LINS1: variants seen among roughly 807,000 people sequenced by gnomAD.
LINS1 encodes lines homolog 1, also known as protein Lines homolog 1.
Under a neutral mutation model 41.6 loss-of-function variants are expected in LINS1, and 27 were observed. The observed-to-expected ratio is 0.65, with a 90% CI of 0.48 to 0.89. LINS1 has a LOEUF of 0.89. Ranked by LOEUF, LINS1 falls within the 40% of genes least tolerant of loss-of-function variation. LINS1 has a pLI of 0.00. For missense variants in LINS1, 955 were observed against 884.1 expected (o/e 1.08, Z -1.02); for synonymous variants, 336 against 312.9 (o/e 1.07, Z -0.78).
In LINS1 at chr15:100,571,896, G is replaced by T. The variant is rs2037848259; in HGVS notation, c.1392C>A (p.Thr464=). 6.2e-7 allele frequency: 1 copy of T among 1,614,070 alleles called. No individual in the cohort carries two copies. Among genetic ancestry groups the T allele is most frequent in the Non-Finnish European group, 8.5e-7 (1 of 1,179,958 alleles). ...KASLGIYLTL[T]RGCEATESLT... ...TAATTACTTTAAAATACACTAACCT[G>T]GTCAGTGTTAAGTAGATGCCCAGTG... Residue 464 remains threonine (T), a splice_region_variant and synonymous_variant, in exon 6 of 7, where the codon ACC becomes ACA. Transcript: ENST00000314742.
intron 1 of LINS1, among the ~76,000 whole-genome samples, chr15:100,586,656 AT>A: frequency 6.6e-6 from 1 of 152,356 alleles, no homozygotes; most frequent in South Asian, 2.1e-4. Context: ...ATTTTGTCTA[AT>A]TCAGAAGTTA....
At position 100,596,296 on chromosome 15, in the gene LINS1, C is replaced by G. The variant is rs556806697; in HGVS notation, c.-104+5825G>C. Among the ~76,000 whole-genome samples the G allele has an allele frequency of 2.6e-5, 4 of 152,282 alleles. No individual in the cohort carries two copies. In the East Asian group the frequency reaches 7.7e-4, roughly 29 times the overall value. On this transcript the variant is annotated intron_variant, in intron 1 of 6. Coordinates refer to ENST00000314742, the MANE Select transcript of LINS1 (RefSeq NM_001040616.3). Reference sequence around the variant, plus strand: ...TGCAGGGCCCTATCCTAGGAGCTTCCCATAAGATAGTTCTGGGGTGGGGCC... The same window carrying G: ...TGCAGGGCCCTATCCTAGGAGCTTCGCATAAGATAGTTCTGGGGTGGGGCC...
chr15:100,591,498 T>G (rs1466909990), intron 1 of LINS1, among the ~76,000 whole-genome samples: 1 of 152,244 alleles, frequency 6.6e-6, no homozygotes, highest in Non-Finnish European at 1.5e-5. Context: ...TGTTTTGGAC[T>G]GAACTCATGC....
intron 1 of LINS1, among the ~76,000 whole-genome samples, chr15:100,584,959 G>A (rs371712257): frequency 1.3e-5 from 2 of 152,034 alleles, no homozygotes; most frequent in African/African-American, 2.4e-5. Flanking sequence ...TCCCCTACTC[G>A]ACTGGCTAAG....
At chr15:100,573,235 G>A (rs1472732564) in intron 5 of LINS1, 2 of 345,098 alleles carry the variant, frequency 5.8e-6, no homozygotes, top group Non-Finnish European at 8.4e-6. Context: ...GACCTCCCAG[G>A]TTGGGACAGG....
chr15:100,577,899 C>A (rs28767939), intron 3 of LINS1, among the ~76,000 whole-genome samples: 25,077 of 151,984 alleles, frequency 0.16, 2,367 homozygotes, highest in South Asian at 0.21. Context: ...TCTTTGACAA[C>A]CCTGACAAAA....
In LINS1 at chr15:100,569,831, G is replaced by A. The variant is rs778784513; in HGVS notation, c.1681C>T (p.Pro561Ser). 6.2e-7 allele frequency: 1 copy of A among 1,613,992 alleles called. No individual in the cohort carries two copies. The highest frequency in any genetic ancestry group is 1.7e-5 in the Admixed American group (1 of 59,988). ...GAGCTTTGGTCTTGGACAAGTGAGG[G>A]GACACAGCCACAAATACTTATGTCA... ...KYDISICGCV[P>S]SLVQDQSSNQ... is the part of the protein sequence containing the mutation. Residue 561 changes from proline to serine, a missense_variant, in exon 7 of 7, where the codon CCC becomes TCC. Physicochemically the swap from Pro to Ser is moderately conservative, Grantham distance 74 (BLOSUM62 -1). Transcript: ENST00000314742.
Position 100,577,447 on chromosome 15 carries a change from C to T in LINS1, c.490-2319G>A, listed in dbSNP as rs1204299112. 2.6e-5 allele frequency among the ~76,000 whole-genome samples: 4 copies of T among 152,078 alleles called. No homozygotes were observed. The East Asian group carries it at 7.7e-4, about 29-fold the overall frequency. On this transcript the variant is annotated intron_variant, in intron 3 of 6. Transcript: ENST00000314742. ...AATTGCTTCAAAGAGAATAAAATAC[C>T]TAGGAATCCAACTTACAAGGGATGT...
intron 5 of LINS1, 199 bp from the exon 6 acceptor site, chr15:100,572,264 T>G (rs775412485): frequency 1.7e-4 from 237 of 1,395,836 alleles, no homozygotes; most frequent in Non-Finnish European, 2.2e-4. Context: ...AAAAAGTGAC[T>G]CATTCCAGAG....
At chr15:100,582,692 C>T (rs948908985) in intron 1 of LINS1, among the ~76,000 whole-genome samples, 2 of 148,788 alleles carry the variant, frequency 1.3e-5, no homozygotes, top group African/African-American at 5.0e-5. Context: ...ACTGGGTCTT[C>T]CATCTACACT....
At chr15:100,601,518 G>C (rs2039492968) in intron 1 of LINS1, among the ~76,000 whole-genome samples, 1 of 152,128 alleles carries the variant, frequency 6.6e-6, no homozygotes. Context: ...ATTTCAACAT[G>C]AGTTTTGAAG....
chr15:100,569,298 T>G lies in LINS1; in HGVS notation c.2214A>C (p.Ala738=), dbSNP rs2141258667. 1.9e-6 allele frequency: 3 copies of G among 1,612,184 alleles called. No individual in the cohort carries two copies. The highest frequency in any genetic ancestry group is 2.5e-6 in the Non-Finnish European group (3 of 1,178,246). ...KKNLFPYNPT[A]LLKLLKYIEV... ...CTATGTATTTTAACAACTTCAAAAG[T>G]GCAGTTGGATTATATGGGAAAAGAT... Residue 738 remains alanine, a synonymous_variant, in exon 7 of 7, where the codon GCA becomes GCC. Coordinates refer to ENST00000314742, the MANE Select transcript of LINS1 (RefSeq NM_001040616.3).
At chr15:100,576,202 C>CA (rs1168085494) in intron 3 of LINS1, among the ~76,000 whole-genome samples, 1 of 151,990 alleles carries the variant, frequency 6.6e-6, no homozygotes, top group Non-Finnish European at 1.5e-5. Flanking sequence ...GATAGAGACA[C>CA]AAAAAACCCT....
At chr15:100,600,096 T>C (rs7183002) in intron 1 of LINS1, among the ~76,000 whole-genome samples, 19,061 of 152,118 alleles carry the variant, frequency 0.13, 1,423 homozygotes, top group East Asian at 0.27. Flanking sequence ...TTTGAACAAA[T>C]TTAAAGATGT....
intron 1 of LINS1, among the ~76,000 whole-genome samples, chr15:100,587,171 A>AAAC (rs1232055688): frequency 6.7e-6 from 1 of 149,346 alleles, no homozygotes; most frequent in African/African-American, 2.5e-5. Context: ...AAAAAAAAAA[A>AAAC]AAAAAAAAAA....
At chr15:100,601,841 T>C (rs143792515) in intron 1 of LINS1, among the ~76,000 whole-genome samples, 72 of 152,168 alleles carry the variant, frequency 4.7e-4, no homozygotes, top group African/African-American at 1.7e-3. Context: ...TTCAGGAAGG[T>C]CCTTGGATCG....
rs561018417 is a variant in LINS1 at position 100,599,211 on chromosome 15, T to C, written c.-104+2910A>G. Among the ~76,000 whole-genome samples the C allele has an allele frequency of 1.6e-4, 24 of 152,362 alleles. No individual in the cohort carries two copies. In the South Asian group the frequency reaches 3.7e-3, roughly 24 times the overall value. ...AGTTTTATATTATTAACTAAGTTAA[T>C]GGGAAATGAAGTGTATCTGTTAAAA... On this transcript the variant is annotated intron_variant, in intron 1 of 6. Coordinates refer to ENST00000314742, the MANE Select transcript of LINS1 (RefSeq NM_001040616.3).
chr15:100,601,952 G>C (rs1481357234), intron 1 of LINS1, among the ~76,000 whole-genome samples, 169 bp downstream of exon 1: 1 of 152,100 alleles, frequency 6.6e-6, no homozygotes, highest in Non-Finnish European at 1.5e-5. Flanking sequence ...CGCCAAGACC[G>C]GGCACTTGCG....
chr15:100,570,240 C>T, intron 6 of LINS1, 123 bp from the exon 7 acceptor site: 4 of 773,202 alleles, frequency 5.2e-6, no homozygotes, highest in Non-Finnish European at 7.8e-6. Flanking sequence ...TGCATCACTT[C>T]TTAAAAGAAA....
Sources: allele counts gnomAD v4.1 joint callset (sites outside exome capture counted in the v4.1 genomes callset), GRCh38; gene constraint gnomAD v4.1.1; transcripts MANE v1.5; gene names NCBI Gene and HGNC (gene_info 2026-07-23, HGNC 2026-07-21).